The following RAP1GDS1 variants were observed in gnomAD, a reference collection of about 807,000 sequenced individuals.
RAP1GDS1 encodes the protein RAP1, GTP-GDP dissociation stimulator 1.
Under a neutral mutation model 71.1 loss-of-function variants are expected in RAP1GDS1, and 35 were observed. The observed-to-expected ratio is 0.49, with a 90% CI of 0.38 to 0.65. The LOEUF (loss-of-function observed/expected upper bound fraction) is 0.65. Among genes scored for constraint, RAP1GDS1 ranks in the 30% least tolerant of loss-of-function variants. The pLI, the probability that RAP1GDS1 is intolerant of heterozygous loss-of-function variation, is 0.00. For missense variants in RAP1GDS1, 663 were observed against 706.1 expected, an observed-to-expected ratio of 0.94 and a Z score of 0.69; for synonymous variants, 229 against 243.1, an observed-to-expected ratio of 0.94 and a Z score of 0.54.
At chr4:98,356,200 G>A (rs1737946646) in intron 4 of RAP1GDS1, among the ~76,000 whole-genome samples, 1 of 152,076 alleles carries the variant, frequency 6.6e-6, no homozygotes, top group African/African-American at 2.4e-5. Flanking sequence ...AGGGAATGTG[G>A]TTTTAAAGCG....
chr4:98,369,817 T>G (rs1740083981), intron 4 of RAP1GDS1, among the ~76,000 whole-genome samples: 1 of 152,214 alleles, frequency 6.6e-6, no homozygotes. Flanking sequence ...TTAAACACAC[T>G]TTAAATCTGT....
chr4:98,346,635 C>A (rs1262443489), intron 3 of RAP1GDS1, among the ~76,000 whole-genome samples: 1 of 151,928 alleles, frequency 6.6e-6, no homozygotes, highest in African/African-American at 2.4e-5. Flanking sequence ...AGCTCCACCT[C>A]CCGGGTTCAA....
At chr4:98,286,886 TAAAA>T (rs778410316) in intron 1 of RAP1GDS1, among the ~76,000 whole-genome samples, 199 of 90,156 alleles carry the variant, frequency 2.2e-3, no homozygotes, top group African/African-American at 5.8e-3. Context: ...AACTCCGTCT[TAAAA>T]AAAAAAAAAA....
chr4:98,346,266 C>T (rs1038100148), intron 3 of RAP1GDS1, among the ~76,000 whole-genome samples: 2 of 152,104 alleles, frequency 1.3e-5, no homozygotes, highest in African/African-American at 4.8e-5. Context: ...CCTGAGTGCT[C>T]TTAACAACAA....
At chr4:98,405,286 A>G (rs1353069562) in intron 7 of RAP1GDS1, among the ~76,000 whole-genome samples, 1 of 152,190 alleles carries the variant, frequency 6.6e-6, no homozygotes, top group Non-Finnish European at 1.5e-5. Flanking sequence ...GAATGAAATA[A>G]ATGGAAATTT....
chr4:98,413,776 A>T (rs934401876), intron 7 of RAP1GDS1, among the ~76,000 whole-genome samples: 4 of 152,092 alleles, frequency 2.6e-5, no homozygotes, highest in African/African-American at 9.7e-5. Flanking sequence ...CTAGTTCTAG[A>T]TCCCTGAGGA....
chr4:98,326,911 G>T lies in RAP1GDS1; in HGVS notation c.113-16228G>T, dbSNP rs75010941. ...TGTAAGAGCTAGAATTAGTATAGTC[G>T]TTTTTCTACTCTGATACAAGCTAGT... On this transcript the variant is annotated intron_variant, in intron 2 of 14. Coordinates refer to ENST00000408927, the MANE Select transcript of RAP1GDS1 (RefSeq NM_001100427.2). 2.0e-5 allele frequency among the ~76,000 whole-genome samples: 3 copies of T among 152,198 alleles called. No individual in the cohort carries two copies. In the East Asian group the frequency reaches 5.8e-4, roughly 29 times the overall value.
In RAP1GDS1 at chr4:98,442,104, C is replaced by A. The variant is rs199497536; in HGVS notation, c.1811C>A (p.Thr604Asn). 3.1e-6 allele frequency: 5 copies of A among 1,613,200 alleles called. No homozygotes were observed. The highest frequency in any genetic ancestry group is 4.2e-6 in the Non-Finnish European group (5 of 1,179,954). ...QQASLTEQRLTVES is the reference protein window; with the variant it reads ...QQASLTEQRLNVES ...GCCTCTCTCACAGAGCAGAGACTTA[C>A]TGTGGAAAGCTGAGAACTGCCCGAT... is the stretch of plus-strand genomic sequence containing the variant. Residue 604 changes from threonine to asparagine, a missense_variant, in exon 15 of 15, where the codon ACT becomes AAT. Physicochemically the swap from Thr to Asn is moderately conservative, Grantham distance 65. Coordinates refer to ENST00000408927, the MANE Select transcript of RAP1GDS1 (RefSeq NM_001100427.2).
intron 2 of RAP1GDS1, among the ~76,000 whole-genome samples, chr4:98,327,940 A>C (rs1297246103): frequency 6.6e-6 from 1 of 152,214 alleles, no homozygotes; most frequent in Non-Finnish European, 1.5e-5. Flanking sequence ...GCAAAAATTT[A>C]ACAAGTAACA....
chr4:98,376,324 T>C (rs942108509), intron 4 of RAP1GDS1, among the ~76,000 whole-genome samples: 3 of 152,106 alleles, frequency 2.0e-5, no homozygotes, highest in Non-Finnish European at 4.4e-5. Context: ...AAGTTTAGGA[T>C]AGGGAACCTT....
intron 1 of RAP1GDS1, among the ~76,000 whole-genome samples, chr4:98,270,985 A>G (rs1051426173): frequency 2.4e-4 from 37 of 152,186 alleles, no homozygotes; most frequent in Admixed American, 3.9e-4. Flanking sequence ...CATATGGTAT[A>G]TGATGCATAT....
At chr4:98,303,317 G>A (rs1728839255) in intron 2 of RAP1GDS1, among the ~76,000 whole-genome samples, 1 of 152,030 alleles carries the variant, frequency 6.6e-6, no homozygotes, top group Non-Finnish European at 1.5e-5. Flanking sequence ...TGGCTGTTGA[G>A]CATTTGAAAT....
At chr4:98,343,982 C>G (rs1253045650) in intron 3 of RAP1GDS1, among the ~76,000 whole-genome samples, 1 of 151,994 alleles carries the variant, frequency 6.6e-6, no homozygotes, top group Non-Finnish European at 1.5e-5. Context: ...ATTTTTTAGC[C>G]TTTTATTGTA....
intron 6 of RAP1GDS1, among the ~76,000 whole-genome samples, chr4:98,400,877 T>G (rs1427098116): frequency 6.6e-6 from 1 of 152,188 alleles, no homozygotes; most frequent in Non-Finnish European, 1.5e-5. Flanking sequence ...GGAAAATGAC[T>G]TCCAACATAG....
In RAP1GDS1 at chr4:98,377,484, T is replaced by C. The variant is rs1256171394; in HGVS notation, c.362-1533T>C. Among the ~76,000 whole-genome samples, 4 of 151,894 alleles carry C rather than the reference T, an allele frequency of 2.6e-5. No individual in the cohort carries two copies. The East Asian group carries it at 7.7e-4, about 29-fold the overall frequency. ...AAGAATTTTCTGTGATCTGATGAGC[T>C]GATTAGCATACAGTCCTGTTTTCCA... On this transcript the variant is annotated intron_variant, in intron 4 of 14. Coordinates refer to ENST00000408927, the MANE Select transcript of RAP1GDS1 (RefSeq NM_001100427.2).
chr4:98,370,700 A>G (rs1265565821), intron 4 of RAP1GDS1, among the ~76,000 whole-genome samples: 1 of 151,748 alleles, frequency 6.6e-6, no homozygotes, highest in Non-Finnish European at 1.5e-5. Context: ...CCTCCCGAGT[A>G]GCTGGGACTA....
intron 7 of RAP1GDS1, among the ~76,000 whole-genome samples, chr4:98,411,904 T>A (rs956967872): frequency 1.3e-5 from 2 of 152,192 alleles, no homozygotes; most frequent in African/African-American, 2.4e-5. Context: ...TCTCTAGCCC[T>A]AGCATTCTGT....
At position 98,416,846 on chromosome 4, in the gene RAP1GDS1, C is replaced by T. The variant is rs781186324; in HGVS notation, c.865C>T (p.Leu289Phe). 1 of 1,613,970 alleles carries T rather than the reference C, an allele frequency of 6.2e-7. No homozygotes were observed. Residue 289 changes from leucine (L) to phenylalanine (F), a missense_variant, in exon 8 of 15, where the codon CTC (leucine) becomes TTC (phenylalanine). Transcript: ENST00000408927. ...DSDKEDDITE[L>F]KTGSDLMVLL... ...TGACAAAGAAGATGATATTACTGAG[C>T]TCAAAACTGGTTCAGATCTCATGGT...
intron 1 of RAP1GDS1, among the ~76,000 whole-genome samples, chr4:98,289,803 A>G (rs1025431716): frequency 6.6e-6 from 1 of 152,130 alleles, no homozygotes; most frequent in Non-Finnish European, 1.5e-5. Context: ...CAGGTGCCCC[A>G]AATTGACTTA....
Sources: gnomAD v4.1 joint callset for allele counts (sites outside exome capture counted in the v4.1 genomes callset) on GRCh38, gnomAD v4.1.1 for gene constraint, MANE v1.5 for transcripts, NCBI Gene and HGNC (gene_info 2026-07-23, HGNC 2026-07-21) for gene names.